Variants in OTOGL observed in about 807,000 individuals in gnomAD.
The protein encoded by OTOGL is otogelin-like protein.
OTOGL carries 285 observed loss-of-function variants against 318.5 expected under a neutral mutation model. The ratio of observed to expected loss-of-function variants is 0.89; its 90% CI spans 0.81 to 0.99. The LOEUF (loss-of-function observed/expected upper bound fraction) is 0.99, where lower values mean the gene tolerates loss of function less well. Ranked by LOEUF, OTOGL falls within the 50% of genes least tolerant of loss-of-function variation. OTOGL has a pLI of 0.00. For synonymous variants in OTOGL, 987 were observed against 936.5 expected (o/e 1.05, Z -0.99); for missense variants, 2,899 against 2,845.6 (o/e 1.02, Z -0.43).
chr12:80,172,759 C>T (rs554297482), intron 1 of OTOGL, among the ~76,000 whole-genome samples: 5 of 152,178 alleles, frequency 3.3e-5, no homozygotes, highest in Non-Finnish European at 4.4e-5. Flanking sequence ...ACCGCAGCCT[C>T]TGCCTCTTGG....
chr12:80,233,602 G>C (rs758346720), intron 9 of OTOGL, among the ~76,000 whole-genome samples: 1 of 152,140 alleles, frequency 6.6e-6, no homozygotes. Flanking sequence ...AACTTGGAAA[G>C]GTTTTATATA....
intron 1 of OTOGL, among the ~76,000 whole-genome samples, chr12:80,127,402 G>A (rs187730622): frequency 0.03 from 4,590 of 152,298 alleles, 120 homozygotes; most frequent in Admixed American, 0.052. Flanking sequence ...AGTTTCTGCC[G>A]AGAGATCCGC....
At chr12:80,342,312 T>C (rs1888832914) in intron 44 of OTOGL, 150 bp downstream of exon 44, 1 of 614,384 alleles carries the variant, frequency 1.6e-6, no homozygotes, top group African/African-American at 1.9e-5. Context: ...GAATCACTTA[T>C]TGTTTACAGG....
At chr12:80,250,734 T>C (rs1299076187) in intron 11 of OTOGL, among the ~76,000 whole-genome samples, 2 of 152,228 alleles carry the variant, frequency 1.3e-5, no homozygotes, top group Non-Finnish European at 2.9e-5. Flanking sequence ...ATAGTGACAC[T>C]GAAAATGTTA....
At chr12:80,137,103 A>G (rs1871625984) in intron 1 of OTOGL, among the ~76,000 whole-genome samples, 1 of 152,214 alleles carries the variant, frequency 6.6e-6, no homozygotes. Context: ...CTCTCCAACA[A>G]CAAGACAGAG....
chr12:80,338,215 TATC>T (rs1361213758), intron 42 of OTOGL, among the ~76,000 whole-genome samples: 53 of 152,048 alleles, frequency 3.5e-4, no homozygotes, highest in Non-Finnish European at 1.5e-5. Flanking sequence ...ATGACCAAGA[TATC>T]ATAGAAATAA....
At chr12:80,287,189 CCATGTAGTTGTG>C (rs1403191753) in intron 26 of OTOGL, among the ~76,000 whole-genome samples, 1 of 151,736 alleles carries the variant, frequency 6.6e-6, no homozygotes, top group Non-Finnish European at 1.5e-5. Flanking sequence ...TGTTCAGTTT[CCATGTAGTTGTG>C]CAGTTTTGAG....
At chr12:80,127,540 G>T (rs1366667725) in intron 1 of OTOGL, among the ~76,000 whole-genome samples, 4 of 152,122 alleles carry the variant, frequency 2.6e-5, no homozygotes, top group Non-Finnish European at 5.9e-5. Context: ...TTCTCGAGGA[G>T]TATCTTTGTG....
chr12:80,111,770 C>T (rs1471708519), intron 1 of OTOGL, among the ~76,000 whole-genome samples: 2 of 152,156 alleles, frequency 1.3e-5, no homozygotes, highest in African/African-American at 4.8e-5. Context: ...GTAGTTGCTT[C>T]TAATTCTGTG....
At chr12:80,297,070 G>A in intron 27 of OTOGL, 109 bp downstream of exon 27, 1 of 1,061,414 alleles carries the variant, frequency 9.4e-7, no homozygotes, top group East Asian at 2.9e-5. Flanking sequence ...TGAGATCTAT[G>A]TTGTGTTTTG....
chr12:80,241,463 G>GT (rs144603223), intron 11 of OTOGL, among the ~76,000 whole-genome samples: 4 of 151,262 alleles, frequency 2.6e-5, no homozygotes, highest in South Asian at 2.1e-4. Flanking sequence ...CTTTGTTGTT[G>GT]TTTTTTTTCT....
At chr12:80,369,799 T>G (rs1255381075) in intron 55 of OTOGL, among the ~76,000 whole-genome samples, 1 of 152,020 alleles carries the variant, frequency 6.6e-6, no homozygotes, top group Non-Finnish European at 1.5e-5. Context: ...CGTCTTGAAA[T>G]AAAGTAGAAT....
rs545512514 is a variant in OTOGL at position 80,111,366 on chromosome 12, T to C, written c.-20+11761T>C. On this transcript the variant is annotated intron_variant, in intron 1 of 58. Coordinates refer to ENST00000547103, the MANE Select transcript of OTOGL (RefSeq NM_001378609.3). ...GTATTGCTTAGGTTTTCTTCTAAAGTTTTTATGGTTTTAGGTCTTACATTT... is the reference window on the plus strand; with the variant it reads ...GTATTGCTTAGGTTTTCTTCTAAAGCTTTTATGGTTTTAGGTCTTACATTT... 2.0e-4 allele frequency among the ~76,000 whole-genome samples: 31 copies of C among 152,352 alleles called. No individual in the cohort carries two copies. In the South Asian group the frequency reaches 2.5e-3, roughly 12 times the overall value.
chr12:80,273,137 A>G (rs1415898266), intron 24 of OTOGL, among the ~76,000 whole-genome samples: 1 of 152,118 alleles, frequency 6.6e-6, no homozygotes, highest in Non-Finnish European at 1.5e-5. Context: ...TCATTACAAA[A>G]CGTTAAGGAG....
intron 1 of OTOGL, among the ~76,000 whole-genome samples, chr12:80,208,620 C>A (rs911133634): frequency 1.3e-5 from 2 of 150,310 alleles, no homozygotes; most frequent in African/African-American, 5.0e-5. Flanking sequence ...AGCAGTCAAT[C>A]CCTGTTAAAG....
At chr12:80,197,417 G>C (rs913912459) in intron 1 of OTOGL, among the ~76,000 whole-genome samples, 3 of 152,102 alleles carry the variant, frequency 2.0e-5, no homozygotes, top group African/African-American at 7.2e-5. Context: ...GTAGAGACAG[G>C]GTTTCACCAT....
intron 16 of OTOGL, among the ~76,000 whole-genome samples, chr12:80,255,650 G>T (rs1881969527): frequency 6.6e-6 from 1 of 151,784 alleles, no homozygotes; most frequent in Admixed American, 6.6e-5. Context: ...CAGATATGAT[G>T]AATTTCTTAA....
In OTOGL at chr12:80,254,524, T is replaced by G. The variant is rs980803564; in HGVS notation, c.1395T>G (p.Cys465Trp). ...GSKIEQECTECVCVGGVWNCT... is the reference protein window; with the variant it reads ...GSKIEQECTEWVCVGGVWNCT... Reference sequence around the variant, plus strand: ...TTAATATTTTTATAATTTCTTTTAGTGTGTGTGTTGGTGGAGTTTGGAACT... The same window carrying G: ...TTAATATTTTTATAATTTCTTTTAGGGTGTGTGTTGGTGGAGTTTGGAACT... The change falls in exon 15 of 59, where the codon TGT (cysteine) becomes TGG (tryptophan). Residue 465 changes from cysteine (C) to tryptophan (W), a missense_variant and splice_region_variant. This residue lies in a region of OTOGL where 2,607 missense variants were observed against 2,524.9 expected (regional missense o/e 1.03). Coordinates refer to ENST00000547103, the MANE Select transcript of OTOGL (RefSeq NM_001378609.3). 6 of 1,602,004 alleles carry G rather than the reference T, an allele frequency of 3.7e-6. No homozygotes were observed. Among genetic ancestry groups the G allele is most frequent in the Non-Finnish European group, 5.1e-6 (6 of 1,171,208 alleles).
Position 80,100,735 on chromosome 12 carries a change from A to G in OTOGL, c.-20+1130A>G, listed in dbSNP as rs1182903832. ...GGGTGGGAGACATTATTACAACTCC[A>G]GAATGTTTATGCAAAGGAAGAATGA... On this transcript the variant is annotated intron_variant, in intron 1 of 58. Coordinates refer to ENST00000547103, the MANE Select transcript of OTOGL (RefSeq NM_001378609.3). Among the ~76,000 whole-genome samples the G allele has an allele frequency of 6.6e-5, 10 of 152,162 alleles. No individual in the cohort carries two copies. In the East Asian group the frequency reaches 1.7e-3, roughly 26 times the overall value.
Sources: gnomAD v4.1 joint callset for allele counts (sites outside exome capture counted in the v4.1 genomes callset) on GRCh38, gnomAD v4.1.1 for gene constraint, gnomAD v4.1.1 regional missense constraint, MANE v1.5 for transcripts, NCBI Gene and HGNC (gene_info 2026-07-23, HGNC 2026-07-21) for gene names.